The following SUGCT variants were observed in gnomAD, a reference collection of about 807,000 sequenced individuals.
SUGCT encodes the protein succinyl-CoA:glutarate CoA-transferase.
Under a neutral mutation model 55.0 loss-of-function variants are expected in SUGCT, and 41 were observed. The observed-to-expected ratio is 0.74, with a 90% confidence interval of 0.58 to 0.97. SUGCT has a LOEUF of 0.97. Ranked by LOEUF, SUGCT falls within the 50% of genes least tolerant of loss-of-function variation. The pLI is 0.00. For synonymous variants in SUGCT, 187 were observed against 200.4 expected (o/e 0.93, Z 0.56); for missense variants, 568 against 547.8 (o/e 1.04, Z -0.37).
At chr7:40,943,465 G>T in the SUGCT span, among the ~76,000 whole-genome samples, 2 of 121,202 alleles carry the variant, frequency 1.7e-5, no homozygotes, top group African/African-American at 6.4e-5. Flanking sequence ...AGAGTGTGAT[G>T]TTCCCCTTCC....
At position 40,487,078 on chromosome 7, in the gene SUGCT, CTTTTTTT is replaced by C. The variant is rs745766266; in HGVS notation, c.987-9189_987-9183del. On this transcript the variant is annotated intron_variant, in intron 11 of 13. Transcript: ENST00000335693. ...AAAAGATAGTTCATATGATTTCAAT[CTTTTTTT>C]TTTTTTTTTTTTTTTTGACACAGAG... 2.0e-4 allele frequency among the ~76,000 whole-genome samples: 19 copies of C among 93,902 alleles called. 1 individual carries two copies. The highest frequency in any genetic ancestry group is 5.1e-4 in the Admixed American group (4 of 7,874). 61.6% of individuals were successfully genotyped at this position (93,902 alleles called of 152,430 possible).
intron 13 of SUGCT, among the ~76,000 whole-genome samples, chr7:40,804,662 A>G (rs1362062420): frequency 1.3e-5 from 2 of 152,186 alleles, no homozygotes; most frequent in African/African-American, 4.8e-5. Context: ...GGAAAACATG[A>G]TAAGGTACTC....
chr7:40,901,758 G>A, the SUGCT span, among the ~76,000 whole-genome samples: 1 of 152,132 alleles, frequency 6.6e-6, no homozygotes, highest in Non-Finnish European at 1.5e-5. Context: ...TTTCTCATGG[G>A]GGATAAATTG....
intron 10 of SUGCT, 71 bp from the exon 11 acceptor site, chr7:40,459,030 A>C: frequency 3.1e-6 from 3 of 953,218 alleles, no homozygotes; most frequent in Non-Finnish European, 4.9e-6. Context: ...ATAGGACCTG[A>C]ACACTAGCAC....
chr7:40,175,445 C>T (rs1463659000), intron 1 of SUGCT, among the ~76,000 whole-genome samples: 3 of 152,136 alleles, frequency 2.0e-5, no homozygotes, highest in South Asian at 2.1e-4. Flanking sequence ...GTCTCTGACT[C>T]CTGACCTTAA....
chr7:40,575,014 C>G (rs909016270), intron 12 of SUGCT, among the ~76,000 whole-genome samples: 17 of 152,014 alleles, frequency 1.1e-4, no homozygotes, highest in Non-Finnish European at 2.4e-4. Context: ...ATCTCCACCC[C>G]TCCATCGCAC....
chr7:40,834,732 A>T lies in SUGCT; in HGVS notation c.1154-25584A>T, dbSNP rs538587593. Among the ~76,000 whole-genome samples, 30 of 152,348 alleles carry T rather than the reference A, an allele frequency of 2.0e-4. No individual in the cohort carries two copies. The East Asian group carries it at 5.4e-3, about 27-fold the overall frequency. On this transcript the variant is annotated intron_variant, in intron 13 of 13. Coordinates refer to ENST00000335693, the MANE Select transcript of SUGCT (RefSeq NM_001193313.2). ...AAGCAGCCAGAATGATGAAAGACTT[A>T]TAGCTATAGAACAGTTTCAAATAAA...
the SUGCT span, among the ~76,000 whole-genome samples, chr7:41,022,757 G>A: frequency 5.9e-5 from 9 of 152,010 alleles, no homozygotes; most frequent in African/African-American, 1.7e-4. Context: ...TTTAAGATAA[G>A]CATGTAAAAA....
chr7:40,412,044 A>G (rs12234882), intron 9 of SUGCT, among the ~76,000 whole-genome samples: 105,441 of 152,082 alleles, frequency 0.69, 36,949 homozygotes, highest in East Asian at 0.99. Context: ...CTGTTTAAGC[A>G]CTCAAATGTT....
chr7:40,397,938 C>A (rs909848536), intron 9 of SUGCT, among the ~76,000 whole-genome samples: 1 of 152,190 alleles, frequency 6.6e-6, no homozygotes, highest in Admixed American at 6.5e-5. Context: ...TCCTCAATCT[C>A]TGACTGAGGT....
chr7:41,010,065 A>G, the SUGCT span, among the ~76,000 whole-genome samples: 3 of 152,374 alleles, frequency 2.0e-5, no homozygotes, highest in African/African-American at 7.2e-5. Flanking sequence ...TGGAGAGTTC[A>G]GATCAAGAGG....
intron 8 of SUGCT, among the ~76,000 whole-genome samples, chr7:40,305,418 G>A (rs999983854): frequency 2.6e-5 from 4 of 152,130 alleles, no homozygotes; most frequent in Non-Finnish European, 4.4e-5. Context: ...TTCCTGTTGT[G>A]GAGAGAGAGC....
At chr7:40,437,642 T>G (rs186327865) in intron 9 of SUGCT, among the ~76,000 whole-genome samples, 30 of 152,260 alleles carry the variant, frequency 2.0e-4, no homozygotes, top group African/African-American at 6.7e-4. Flanking sequence ...CCAGTTCCAG[T>G]GCCATAAGGT....
At chr7:40,163,981 C>A (rs1479107347) in intron 1 of SUGCT, among the ~76,000 whole-genome samples, 1 of 152,010 alleles carries the variant, frequency 6.6e-6, no homozygotes, top group Non-Finnish European at 1.5e-5. Context: ...ACCACCACAC[C>A]CAGTTAATTT....
intron 5 of SUGCT, among the ~76,000 whole-genome samples, chr7:40,192,630 CTT>C (rs748789860): frequency 3.0e-5 from 4 of 134,784 alleles, no homozygotes; most frequent in Non-Finnish European, 1.6e-5. Context: ...TTCTTTCTTT[CTT>C]TTTTTTTTTT....
At chr7:40,420,136 A>G (rs566339238) in intron 9 of SUGCT, among the ~76,000 whole-genome samples, 1 of 152,266 alleles carries the variant, frequency 6.6e-6, no homozygotes, top group East Asian at 1.9e-4. Context: ...CCTTCGGAGT[A>G]TCAGCAGCTG....
intron 9 of SUGCT, among the ~76,000 whole-genome samples, chr7:40,317,084 AG>A (rs1795481819): frequency 1.3e-5 from 2 of 151,898 alleles, no homozygotes; most frequent in African/African-American, 4.8e-5. Flanking sequence ...AACAGATCAA[AG>A]GAACTTGCTG....
At chr7:40,264,297 G>A (rs979054702) in intron 7 of SUGCT, among the ~76,000 whole-genome samples, 5 of 152,138 alleles carry the variant, frequency 3.3e-5, no homozygotes, top group African/African-American at 1.2e-4. Flanking sequence ...TGTTATGCCT[G>A]TTTATAGATG....
chr7:40,314,559 C>CT (rs1292941632), intron 8 of SUGCT, among the ~76,000 whole-genome samples: 1,426 of 108,712 alleles, frequency 0.013, 21 homozygotes, highest in African/African-American at 0.03. Flanking sequence ...TCCCTTGTGT[C>CT]TTTTTTTTTT....
Sources: gnomAD v4.1 joint callset for allele counts (sites outside exome capture counted in the v4.1 genomes callset) on GRCh38, gnomAD v4.1.1 for gene constraint, MANE v1.5 for transcripts, NCBI Gene and HGNC (gene_info 2026-07-23, HGNC 2026-07-21) for gene names.